Variants in LRP1B observed in about 807,000 individuals in gnomAD.
LRP1B encodes the protein low-density lipoprotein receptor-related protein 1B.
A neutral mutation model predicts 556.6 loss-of-function variants in LRP1B; 217 were observed. That is an observed-to-expected ratio of 0.39 (90% CI 0.35 to 0.44). The LOEUF is 0.44. Ranked by LOEUF, LRP1B falls within the 20% of genes least tolerant of loss-of-function variation. LRP1B has a pLI of 1.00. For synonymous variants in LRP1B, 2,047 were observed against 1,865.8 expected (o/e 1.10, Z -2.50); for missense variants, 5,053 against 5,620.8 (o/e 0.90, Z 3.23).
intron 32 of LRP1B, among the ~76,000 whole-genome samples, chr2:140,797,017 CTAATA>C (rs1690340047): frequency 6.6e-6 from 1 of 151,668 alleles, no homozygotes; most frequent in Admixed American, 6.6e-5. Context: ...ATATGAATAC[CTAATA>C]TAATTGTACT....
At chr2:140,335,888 C>T (rs111377017) in intron 77 of LRP1B, 50 bp from the exon 78 acceptor site, 13,910 of 1,193,242 alleles carry the variant, frequency 0.012, 284 homozygotes, top group African/African-American at 0.078. Flanking sequence ...AGGAAATTAG[C>T]GGAGTTTTCT....
chr2:140,231,591 G>A lies in LRP1B; in HGVS notation c.*1595C>T, dbSNP rs866476422. 7 of 151,790 alleles carry A rather than the reference G, an allele frequency of 4.6e-5. No homozygotes were observed. In the East Asian group the frequency reaches 5.9e-4, roughly 13 times the overall value. 9.4% of individuals were successfully genotyped at this position (151,790 alleles called of 1,614,324 possible). ...AAGAACCTGAAAAAGTTTATGATAT[G>A]CATAACATTGTTCAAGCAAAATTGC... On this transcript the variant is annotated 3_prime_UTR_variant, in exon 91 of 91. Transcript: ENST00000389484.
chr2:140,563,211 C>T (rs1244986707), intron 43 of LRP1B, among the ~76,000 whole-genome samples: 1 of 151,970 alleles, frequency 6.6e-6, no homozygotes, highest in Non-Finnish European at 1.5e-5. Flanking sequence ...AACACACACA[C>T]ATACACACAT....
chr2:140,357,880 T>A (rs1682305881), intron 74 of LRP1B, 99 bp downstream of exon 74: 2 of 1,386,316 alleles, frequency 1.4e-6, no homozygotes, highest in Non-Finnish European at 2.0e-6. Context: ...TCAAGCATAC[T>A]TTGAAGAGCA....
intron 2 of LRP1B, among the ~76,000 whole-genome samples, chr2:141,557,107 T>C (rs1685985706): frequency 6.6e-6 from 1 of 151,716 alleles, no homozygotes; most frequent in Non-Finnish European, 1.5e-5. Flanking sequence ...AAGGGGAATA[T>C]GTAGAGAAAG....
intron 17 of LRP1B, among the ~76,000 whole-genome samples, chr2:140,988,556 T>C (rs1696997039): frequency 6.6e-6 from 1 of 151,662 alleles, no homozygotes; most frequent in Non-Finnish European, 1.5e-5. Context: ...CTTACCGTGC[T>C]GGAAAAAAAA....
At chr2:142,094,072 T>C (rs1247569568) in intron 1 of LRP1B, among the ~76,000 whole-genome samples, 1 of 152,052 alleles carries the variant, frequency 6.6e-6, no homozygotes, top group East Asian at 1.9e-4. Flanking sequence ...TCCTCACATG[T>C]TGGAAAGGGT....
chr2:140,568,494 TAAATGAACAA>T (rs762024997), intron 43 of LRP1B, among the ~76,000 whole-genome samples: 14 of 152,012 alleles, frequency 9.2e-5, no homozygotes, highest in Non-Finnish European at 2.1e-4. Flanking sequence ...GAGACACCAT[TAAATGAACAA>T]ATATTTTCAT....
chr2:140,904,765 A>C (rs1045321229), intron 22 of LRP1B, among the ~76,000 whole-genome samples: 2 of 152,144 alleles, frequency 1.3e-5, no homozygotes, highest in African/African-American at 2.4e-5. Flanking sequence ...GTCATTTCAA[A>C]GTATTTGCCC....
chr2:141,442,777 A>T (rs1681031239), intron 3 of LRP1B, among the ~76,000 whole-genome samples: 1 of 152,138 alleles, frequency 6.6e-6, no homozygotes, highest in Non-Finnish European at 1.5e-5. Flanking sequence ...CTTTATGGCT[A>T]CATCGTATTC....
At chr2:141,118,269 CTTGAT>C (rs1700956382) in intron 7 of LRP1B, among the ~76,000 whole-genome samples, 1 of 151,840 alleles carries the variant, frequency 6.6e-6, no homozygotes, top group Non-Finnish European at 1.5e-5. Flanking sequence ...AAAAACTCTT[CTTGAT>C]TTTTGTTTCA....
intron 41 of LRP1B, chr2:140,683,356 C>T (rs1685931235): frequency 4.1e-6 from 2 of 483,268 alleles, no homozygotes; most frequent in Admixed American, 2.6e-5. Flanking sequence ...AAACTCCACA[C>T]ACAATCTTCA....
intron 3 of LRP1B, among the ~76,000 whole-genome samples, chr2:141,464,604 A>ATTTTTTT (rs1415837703): frequency 8.2e-5 from 6 of 72,772 alleles, no homozygotes; most frequent in African/African-American, 3.2e-4. Flanking sequence ...ATATATATAT[A>ATTTTTTT]TATTTTTTTA....
chr2:141,399,155 C>T (rs1226345175), intron 3 of LRP1B, among the ~76,000 whole-genome samples: 1 of 152,046 alleles, frequency 6.6e-6, no homozygotes, highest in Non-Finnish European at 1.5e-5. Context: ...ACTCAAGAGG[C>T]TAAGGCTCGA....
chr2:140,970,712 ACCTTTTTTTTTTTTTTTTTTTTTTTTT>A (rs1429980127), intron 18 of LRP1B, among the ~76,000 whole-genome samples: 11 of 126,420 alleles, frequency 8.7e-5, no homozygotes, highest in African/African-American at 3.7e-4. Flanking sequence ...TAATTTTTTA[ACCTTTTTTTTTTTTTTTTTTTTTTTTT>A]TTTTTTTTTT....
chr2:141,026,714 T>C (rs868513489), intron 11 of LRP1B, among the ~76,000 whole-genome samples: 1 of 152,050 alleles, frequency 6.6e-6, no homozygotes, highest in Non-Finnish European at 1.5e-5. Flanking sequence ...TTTCCATAAA[T>C]ATCTAAGAAA....
At chr2:141,532,930 G>T (rs1005250959) in intron 2 of LRP1B, among the ~76,000 whole-genome samples, 1 of 152,132 alleles carries the variant, frequency 6.6e-6, no homozygotes, top group South Asian at 2.1e-4. Context: ...AGGTTGCAGT[G>T]AGCTGAGATT....
intron 81 of LRP1B, among the ~76,000 whole-genome samples, chr2:140,322,989 C>T (rs1194074326): frequency 6.6e-6 from 1 of 152,104 alleles, no homozygotes; most frequent in Non-Finnish European, 1.5e-5. Context: ...TGGTAAAGAG[C>T]AGCAAGACTT....
At chr2:142,023,504 C>T (rs1392320779) in intron 1 of LRP1B, among the ~76,000 whole-genome samples, 4 of 152,168 alleles carry the variant, frequency 2.6e-5, no homozygotes, top group Admixed American at 2.0e-4. Flanking sequence ...AAGCAAAACA[C>T]GGTAAATGTG....
Sources: gnomAD v4.1 joint callset for allele counts (sites outside exome capture counted in the v4.1 genomes callset) on GRCh38, gnomAD v4.1.1 for gene constraint, MANE v1.5 for transcripts, NCBI Gene and HGNC (gene_info 2026-07-23, HGNC 2026-07-21) for gene names.